Variants in EIF2D observed in about 807,000 individuals in gnomAD.
EIF2D encodes eukaryotic translation initiation factor 2D, also known as hepatocellular carcinoma-associated antigen 56.
Under a neutral mutation model 77.4 loss-of-function variants are expected in EIF2D, and 56 were observed. That is an observed-to-expected ratio of 0.72 (90% confidence interval 0.58 to 0.90). The LOEUF is 0.90. Ranked by LOEUF, EIF2D falls within the 40% of genes least tolerant of loss-of-function variation. EIF2D has a pLI of 0.00. For missense variants in EIF2D, 574 were observed against 706.5 expected, an observed-to-expected ratio of 0.81 and a Z score of 2.13; for synonymous variants, 230 against 271.0, an observed-to-expected ratio of 0.85 and a Z score of 1.49.
At chr1:206,575,481 G>C (rs948089933) in intron 4 of EIF2D, among the ~76,000 whole-genome samples, 6 of 152,168 alleles carry the variant, frequency 3.9e-5, no homozygotes, top group Admixed American at 1.3e-4. Flanking sequence ...ATAGAGTCTT[G>C]CTGACAATAG....
At chr1:206,578,240 G>A (rs1244075940) in intron 4 of EIF2D, among the ~76,000 whole-genome samples, 7 of 149,588 alleles carry the variant, frequency 4.7e-5, no homozygotes, top group Non-Finnish European at 7.4e-5. Context: ...AAAAGTGTGT[G>A]TGTGTGTGTG....
In EIF2D at chr1:206,584,754, C is replaced by T; in HGVS notation, c.139-3592G>A. 1.3e-6 allele frequency: 2 copies of T among 1,545,434 alleles called. No individual in the cohort carries two copies. The highest frequency in any genetic ancestry group is 1.8e-6 in the Non-Finnish European group (2 of 1,131,216). ...GTGTCCAAGCCCACCCACTAAAACT[C>T]CTGCCGGCCTTGGGTGGGAGCTGTG... On this transcript the variant is annotated intron_variant and NMD_transcript_variant, in intron 2 of 5. Coordinates refer to the EIF2D transcript ENST00000472709. This position sits in a 1 kb window ranked among gnomAD's most constrained non-coding sequence, Gnocchi z 4.9.
downstream of EIF2D, chr1:206,589,275 ACT>A (rs1669265520): frequency 6.6e-6 from 1 of 152,642 alleles, no homozygotes. Context: ...TGCAAAAATG[ACT>A]CATGTTAGAA....
intron 5 of EIF2D, 129 bp from the exon 6 acceptor site, chr1:206,603,333 G>A: frequency 7.9e-7 from 1 of 1,270,124 alleles, no homozygotes; most frequent in Non-Finnish European, 1.1e-6. Context: ...GGAGGGGGCA[G>A]AGAGCCTGTG....
rs368350166 is a variant in EIF2D, at chr1:206,612,274, T to G, written c.56+13A>C. 1 of 1,614,080 alleles carries G rather than the reference T, an allele frequency of 6.2e-7. No individual in the cohort carries two copies. The highest frequency in any genetic ancestry group is 8.5e-7 in the Non-Finnish European group (1 of 1,180,012). The stretch of plus-strand genomic sequence containing the variant: ...GTTGTTCCGTGGCAGAGCAGGCCCC[T>G]TTCCTCCCTCACCTGTCCGACCCCT... On this transcript the variant is annotated intron_variant, in intron 1 of 14. Transcript: ENST00000271764.
rs116380443 is a variant in EIF2D, at chr1:206,603,843, A to T, written c.531-639T>A. On this transcript the variant is annotated intron_variant, in intron 5 of 14. Transcript: ENST00000271764. Reference sequence around the variant, plus strand: ...CTTTATCTTAGCCAACATTATGCAAATCAAACTAAGTTTTAACTAATAGTT... The same window carrying T: ...CTTTATCTTAGCCAACATTATGCAATTCAAACTAAGTTTTAACTAATAGTT... Among the ~76,000 whole-genome samples the T allele has an allele frequency of 7.0e-3, 1,074 of 152,366 alleles. 9 individuals carry two copies. Among genetic ancestry groups the T allele is most frequent in the African/African-American group, 0.024 (1,018 of 41,576 alleles).
chr1:206,570,513 C>T (rs1180331189), downstream of EIF2D, among the ~76,000 whole-genome samples: 1 of 152,074 alleles, frequency 6.6e-6, no homozygotes, highest in Non-Finnish European at 1.5e-5. Flanking sequence ...AACTCCTTAC[C>T]AATTAAACAG....
chr1:206,601,645 T>C (rs1474160106), intron 7 of EIF2D: 4 of 152,220 alleles, frequency 2.6e-5, no homozygotes, highest in Non-Finnish European at 5.9e-5. Context: ...GACATGATAG[T>C]ATTTACTGAA....
chr1:206,596,260 C>T (rs1381891711), intron 12 of EIF2D, among the ~76,000 whole-genome samples: 3 of 151,962 alleles, frequency 2.0e-5, no homozygotes, highest in Non-Finnish European at 2.9e-5. Flanking sequence ...ACTTTTACCA[C>T]GAGGAGTTTC....
At chr1:206,607,685 G>GACA (rs1287735294) in intron 4 of EIF2D, among the ~76,000 whole-genome samples, 1 of 151,636 alleles carries the variant, frequency 6.6e-6, no homozygotes, top group Non-Finnish European at 1.5e-5. Context: ...GGTGATGAAA[G>GACA]ACAACAACAA....
chr1:206,607,435 T>C (rs1016910890), intron 4 of EIF2D, among the ~76,000 whole-genome samples: 15 of 152,202 alleles, frequency 9.9e-5, no homozygotes, highest in African/African-American at 3.4e-4. Flanking sequence ...TTTTCAGAGC[T>C]GTTCATACAA....
Position 206,599,412 on chromosome 1 carries a change from G to A in EIF2D, c.1202+51C>T, listed in dbSNP as rs1295797187. 9 of 1,603,350 alleles carry A rather than the reference G, an allele frequency of 5.6e-6. No homozygotes were observed. Among genetic ancestry groups the A allele is most frequent in the Admixed American group, 5.1e-5 (3 of 58,860 alleles). On this transcript the variant is annotated intron_variant, in intron 10 of 14. Transcript: ENST00000271764. This position sits in a 1 kb window ranked among gnomAD's most constrained non-coding sequence, Gnocchi z 4.1. ...AGCACTACTCAGGTTGAGAGGAACT[G>A]TAGGCCAGAACACCAAGCAGGCAGA...
At chr1:206,570,490 T>C (rs1668415160), downstream of EIF2D, among the ~76,000 whole-genome samples, 1 of 152,076 alleles carries the variant, frequency 6.6e-6, no homozygotes, top group Admixed American at 6.5e-5. Context: ...GAACTTTTGT[T>C]TTCCCCAACT....
At chr1:206,577,352 G>A (rs1007589174) in intron 4 of EIF2D, among the ~76,000 whole-genome samples, 12 of 152,146 alleles carry the variant, frequency 7.9e-5, no homozygotes, top group African/African-American at 2.9e-4. Context: ...GGCTCAGAGG[G>A]GTAGAACTTT....
At chr1:206,574,987 G>A (rs965738708) in intron 4 of EIF2D, among the ~76,000 whole-genome samples, 1 of 151,196 alleles carries the variant, frequency 6.6e-6, no homozygotes. Context: ...AGCCTCCCGA[G>A]TAGTTGGGAT....
downstream of EIF2D, among the ~76,000 whole-genome samples, chr1:206,589,775 A>G (rs912889023): frequency 6.6e-6 from 1 of 152,232 alleles, no homozygotes; most frequent in Non-Finnish European, 1.5e-5. Flanking sequence ...GGAACATCTC[A>G]GTAATCATGG....
At position 206,579,735 on chromosome 1, in the gene EIF2D, G is replaced by A. The variant is rs1229538344; in HGVS notation, c.*254+957C>T. On this transcript the variant is annotated intron_variant and NMD_transcript_variant, in intron 4 of 5. Transcript: ENST00000472709. This position sits in a 1 kb window ranked among gnomAD's most constrained non-coding sequence, Gnocchi z 4.2. ...AATCTCCAGGGATGAAGCCCAGGCA[G>A]CTAAGTTTCTAAAGATCCCCCAGAT... 1.3e-5 allele frequency among the ~76,000 whole-genome samples: 2 copies of A among 152,234 alleles called. No homozygotes were observed. Among genetic ancestry groups the A allele is most frequent in the Non-Finnish European group, 2.9e-5 (2 of 68,044 alleles).
Position 206,605,515 on chromosome 1 carries a change from G to A in EIF2D, c.423-8C>T, listed in dbSNP as rs1483904959. On this transcript the variant is annotated splice_region_variant and splice_polypyrimidine_tract_variant and intron_variant, in intron 4 of 14. Transcript: ENST00000271764. ...CCAATGGCTACAGGGGCTCTAAGAA[G>A]AAGGAAGCCAGAGACCAGGGTCATG... 6.2e-7 allele frequency: 1 copy of A among 1,612,514 alleles called. No individual in the cohort carries two copies. Among genetic ancestry groups the A allele is most frequent in the Non-Finnish European group, 8.5e-7 (1 of 1,178,730 alleles).
At chr1:206,602,909 T>C (rs1330276193) in intron 6 of EIF2D, 42 bp downstream of exon 6, 1 of 1,601,408 alleles carries the variant, frequency 6.2e-7, no homozygotes, top group Non-Finnish European at 8.5e-7. Flanking sequence ...GCTCCTAAAT[T>C]GAGAGGTGGG....
Sources: allele counts gnomAD v4.1 joint callset (sites outside exome capture counted in the v4.1 genomes callset), GRCh38; gene constraint gnomAD v4.1.1; non-coding constraint Gnocchi (gnomAD v3.1); transcripts MANE v1.5; gene names NCBI Gene and HGNC (gene_info 2026-07-23, HGNC 2026-07-21).